RNF32: variants seen among roughly 807,000 people sequenced by gnomAD.
RNF32 encodes the protein ring finger protein 32.
Under a neutral mutation model 41.0 loss-of-function variants are expected in RNF32, and 36 were observed. That is an observed-to-expected ratio of 0.88 (90% CI 0.67 to 1.16). The LOEUF (loss-of-function observed/expected upper bound fraction) is 1.16. RNF32 is among the 50% of genes most tolerant of loss of function. The pLI is 0.00. For synonymous variants in RNF32, 154 were observed against 160.9 expected (o/e 0.96, Z 0.32); for missense variants, 413 against 436.7 (o/e 0.95, Z 0.48).
intron 7 of RNF32, among the ~76,000 whole-genome samples, chr7:156,671,649 C>T (rs956728473): frequency 3.3e-5 from 5 of 150,818 alleles, no homozygotes; most frequent in African/African-American, 1.2e-4. Context: ...TGCAGGACGC[C>T]GATGTTTGCG....
intron 3 of RNF32, among the ~76,000 whole-genome samples, chr7:156,653,963 C>T (rs909986422): frequency 3.9e-5 from 6 of 152,088 alleles, no homozygotes; most frequent in African/African-American, 1.4e-4. Flanking sequence ...AATGAGTATT[C>T]CTCAGTTTTT....
intron 7 of RNF32, among the ~76,000 whole-genome samples, chr7:156,660,803 A>C (rs1585060530): frequency 6.6e-6 from 1 of 152,226 alleles, no homozygotes; most frequent in Non-Finnish European, 1.5e-5. Flanking sequence ...GTCCTGAGAA[A>C]GTGCACCCCG....
intron 6 of RNF32, 93 bp from the exon 7 acceptor site, chr7:156,658,369 G>T: frequency 6.6e-7 from 1 of 1,524,936 alleles, no homozygotes; most frequent in Non-Finnish European, 9.0e-7. Context: ...TTTCCCCAGG[G>T]CCTTGTACAG....
intron 1 of RNF32, among the ~76,000 whole-genome samples, chr7:156,641,433 C>T (rs924665685): frequency 2.0e-5 from 3 of 152,196 alleles, no homozygotes; most frequent in East Asian, 3.8e-4. Flanking sequence ...GCTTTCAATA[C>T]TGGGCAAGGG....
chr7:156,640,940 G>A, intron 1 of RNF32, 129 bp downstream of exon 1: 3 of 186,620 alleles, frequency 1.6e-5, no homozygotes, highest in Non-Finnish European at 3.4e-5. Flanking sequence ...GGCGATGGCC[G>A]CAGCTGTGAG....
Position 156,676,892 on chromosome 7 carries a change from T to C in RNF32, c.*237T>C, listed in dbSNP as rs903894313. 4.2e-6 allele frequency: 2 copies of C among 471,792 alleles called. No individual in the cohort carries two copies. The highest frequency in any genetic ancestry group is 7.6e-6 in the Non-Finnish European group (2 of 262,556). 29.2% of individuals were successfully genotyped at this position (471,792 alleles called of 1,614,324 possible). On this transcript the variant is annotated 3_prime_UTR_variant, in exon 9 of 9. Coordinates refer to ENST00000317955, the MANE Select transcript of RNF32 (RefSeq NM_030936.4). ...TGAGTTTAATCACTTCAAATATGAA[T>C]AGCAAAAAATGAGAGCTTGCTTACT... is the stretch of plus-strand genomic sequence containing the variant.
At chr7:156,658,365 CA>C in intron 6 of RNF32, 96 bp from the exon 7 acceptor site, 1 of 1,542,816 alleles carries the variant, frequency 6.5e-7, no homozygotes, top group South Asian at 1.2e-5. Context: ...ATAATTTCCC[CA>C]GGGCCTTGTA....
intron 3 of RNF32, 25 bp from the exon 4 acceptor site, chr7:156,654,551 C>G (rs1799309055): frequency 6.3e-7 from 1 of 1,588,434 alleles, no homozygotes; most frequent in East Asian, 2.3e-5. Context: ...CACTCTAACT[C>G]CTGTCCTGTG....
chr7:156,640,562 C>CG (rs1243936266), upstream of RNF32: 4 of 392,656 alleles, frequency 1.0e-5, no homozygotes, highest in Non-Finnish European at 1.5e-5. Context: ...ACGCCGTGCG[C>CG]GGGGCGGGGG....
At chr7:156,655,378 G>A (rs1167322923) in intron 4 of RNF32, among the ~76,000 whole-genome samples, 1 of 152,158 alleles carries the variant, frequency 6.6e-6, no homozygotes, top group Admixed American at 6.5e-5. Flanking sequence ...TGAAGTTGGG[G>A]ACACTTAGAT....
In RNF32 at chr7:156,658,129, C is replaced by G; in HGVS notation, c.452C>G (p.Ala151Gly). The G allele has an allele frequency of 6.2e-7, 1 of 1,610,802 alleles. No homozygotes were observed. The highest frequency in any genetic ancestry group is 8.5e-7 in the Non-Finnish European group (1 of 1,178,968). ...TTTAAGTGAAATGTTTTTCTTCAGG[C>G]ATGTCTTCAGGCTTTTGAAAAGTTC... ...LLSCSHVFHK[A>G]CLQAFEKFTN... The change falls in exon 6 of 9, where the codon GCA (alanine) becomes GGA (glycine). Residue 151 changes from alanine (A) to glycine (G), a missense_variant and splice_region_variant. Physicochemically the swap from Ala to Gly is moderately conservative, Grantham distance 60. Coordinates refer to ENST00000317955, the MANE Select transcript of RNF32 (RefSeq NM_030936.4).
chr7:156,663,546 C>T (rs1800941015), intron 7 of RNF32, among the ~76,000 whole-genome samples: 1 of 152,062 alleles, frequency 6.6e-6, no homozygotes, highest in Non-Finnish European at 1.5e-5. Context: ...AATGTAGTTT[C>T]TAACTCCCAA....
intron 3 of RNF32, among the ~76,000 whole-genome samples, chr7:156,647,116 T>C (rs758817140): frequency 1.3e-5 from 2 of 152,190 alleles, no homozygotes; most frequent in African/African-American, 2.4e-5. Flanking sequence ...CCTCCCAAAG[T>C]GTTGGGATTA....
At chr7:156,666,841 A>G (rs1332774197) in intron 7 of RNF32, among the ~76,000 whole-genome samples, 5 of 152,210 alleles carry the variant, frequency 3.3e-5, no homozygotes, top group African/African-American at 1.2e-4. Flanking sequence ...AGCATATGTC[A>G]TATGATTGAG....
At chr7:156,660,770 G>C (rs1252228546) in intron 7 of RNF32, among the ~76,000 whole-genome samples, 1 of 152,160 alleles carries the variant, frequency 6.6e-6, no homozygotes, top group African/African-American at 2.4e-5. Flanking sequence ...GTGACTGCAG[G>C]CCAGGAAACC....
chr7:156,676,649 ATGT>A lies in RNF32; in HGVS notation c.1086_1088del (p.Cys362del). ...CCTGCTACCAGAAGAAGATTCTTGA[ATGT>A]TGAATTCATAGTCAAGGAAAGTTAG... is the stretch of plus-strand genomic sequence containing the variant. On this transcript the variant is annotated inframe_deletion, in exon 9 of 9. Transcript: ENST00000317955. 6.2e-7 allele frequency: 1 copy of A among 1,612,558 alleles called. No individual in the cohort carries two copies. Among genetic ancestry groups the A allele is most frequent in the Non-Finnish European group, 8.5e-7 (1 of 1,178,650 alleles).
chr7:156,664,459 C>T (rs1206555868), intron 7 of RNF32, among the ~76,000 whole-genome samples: 1 of 151,254 alleles, frequency 6.6e-6, no homozygotes, highest in Non-Finnish European at 1.5e-5. Flanking sequence ...CAAACTCCAT[C>T]CAAAAAAAAA....
intron 7 of RNF32, 67 bp downstream of exon 7, chr7:156,658,637 G>A (rs1310751139): frequency 8.8e-6 from 9 of 1,019,072 alleles, no homozygotes; most frequent in Admixed American, 8.0e-5. Context: ...GGGTCAGGAA[G>A]GCTAACAGAG....
chr7:156,651,491 G>A (rs1453994099), intron 3 of RNF32, among the ~76,000 whole-genome samples: 3 of 152,166 alleles, frequency 2.0e-5, no homozygotes, highest in Admixed American at 1.3e-4. Context: ...TGAGATTACA[G>A]GCGTGAGCCA....
Sources: gnomAD v4.1 joint callset for allele counts (sites outside exome capture counted in the v4.1 genomes callset) on GRCh38, gnomAD v4.1.1 for gene constraint, MANE v1.5 for transcripts, NCBI Gene and HGNC (gene_info 2026-07-23, HGNC 2026-07-21) for gene names.